The following WDR12 variants were observed in gnomAD, a reference collection of about 807,000 sequenced individuals.
The protein encoded by WDR12 is ribosome biogenesis protein WDR12.
In WDR12, 42 loss-of-function variants were observed where a neutral mutation model predicts 64.3. That is an observed-to-expected ratio of 0.65 (90% CI 0.51 to 0.84). WDR12 has a LOEUF of 0.84. Ranked by LOEUF, WDR12 falls within the 40% of genes least tolerant of loss-of-function variation. WDR12 has a pLI of 0.00. For synonymous variants in WDR12, 158 were observed against 173.3 expected (o/e 0.91, Z 0.70); for missense variants, 469 against 494.6 (o/e 0.95, Z 0.49).
At chr2:202,908,499 G>C (rs549257087) in intron 1 of WDR12, among the ~76,000 whole-genome samples, 2 of 152,288 alleles carry the variant, frequency 1.3e-5, no homozygotes, top group South Asian at 4.1e-4. Context: ...GGAAGGGTAG[G>C]CTGGAAGAAG....
At chr2:202,895,338 T>A (rs571467360) in intron 6 of WDR12, among the ~76,000 whole-genome samples, 18 of 152,276 alleles carry the variant, frequency 1.2e-4, no homozygotes, top group African/African-American at 4.3e-4. Flanking sequence ...AAGAGTAGAT[T>A]GATACTATAG....
rs1299941866 is a variant in WDR12 at position 202,878,769 on chromosome 2, G to A, written c.*2091C>T. 6.6e-6 allele frequency: 1 copy of A among 152,158 alleles called. No homozygotes were observed. Among genetic ancestry groups the A allele is most frequent in the Non-Finnish European group, 1.5e-5 (1 of 68,028 alleles). 9.4% of individuals were successfully genotyped at this position (152,158 alleles called of 1,614,324 possible). ...TTGAGATGTAATACCATCTAATAAT[G>A]AGACCAAACATATTTCCCAAATATT... On this transcript the variant is annotated 3_prime_UTR_variant, in exon 13 of 13. Transcript: ENST00000261015.
At chr2:202,911,392 A>G (rs1688639259) in intron 1 of WDR12, 44 bp downstream of exon 1, 2 of 1,602,980 alleles carry the variant, frequency 1.2e-6, no homozygotes, top group Admixed American at 3.3e-5. Flanking sequence ...GGGTGGTCGG[A>G]AAGGAACCTG....
At position 202,901,103 on chromosome 2, in the gene WDR12, C is replaced by T; in HGVS notation, c.153G>A (p.Val51=). Residue 51 remains valine (V), a synonymous_variant, in exon 3 of 13, where the codon GTG becomes GTA. Transcript: ENST00000261015. ...GGCCCTTAATAAGGAAATCAAACTCCACATGTTTGTGGAACTCTGAGGAAA... is the reference window on the plus strand; with the variant it reads ...GGCCCTTAATAAGGAAATCAAACTCTACATGTTTGTGGAACTCTGAGGAAA... ...LKDKNEFHKH[V]EFDFLIKGQF... is the part of the protein sequence containing the mutation. The T allele has an allele frequency of 1.3e-6, 2 of 1,594,094 alleles. No individual in the cohort carries two copies. Among genetic ancestry groups the T allele is most frequent in the South Asian group, 1.1e-5 (1 of 87,870 alleles).
At chr2:202,899,484 G>T (rs777656087) in intron 4 of WDR12, 47 bp downstream of exon 4, 3 of 1,524,830 alleles carry the variant, frequency 2.0e-6, no homozygotes, top group Admixed American at 3.6e-5. Context: ...GACTGAAGGA[G>T]GTAAAAACAA....
intron 2 of WDR12, among the ~76,000 whole-genome samples, chr2:202,901,473 T>A (rs184677110): frequency 6.6e-6 from 1 of 152,170 alleles, no homozygotes; most frequent in African/African-American, 2.4e-5. Context: ...TCAGAAATTA[T>A]ATCATTTCAT....
rs759590854 is a variant in WDR12, at chr2:202,882,773, G to A, written c.1132C>T (p.Pro378Ser). 13 of 1,613,848 alleles carry A rather than the reference G, an allele frequency of 8.1e-6. No homozygotes were observed. The highest frequency in any genetic ancestry group is 3.3e-5 in the South Asian group (3 of 91,076). ...TCATGAGCAGCCAGATCATAGAGAG[G>A]AGCCTTACAACTAAAAGATGAAAAT... ...KLWDTRSCKAPLYDLAAHEDK... is the reference protein window; with the variant it reads ...KLWDTRSCKASLYDLAAHEDK... The change falls in exon 12 of 13, where the codon CCT (proline) becomes TCT (serine). Residue 378 changes from proline (P) to serine (S), a missense_variant. Coordinates refer to ENST00000261015, the MANE Select transcript of WDR12 (RefSeq NM_018256.4).
At chr2:202,897,906 A>T (rs57769455) in intron 4 of WDR12, among the ~76,000 whole-genome samples, 9,125 of 45,626 alleles carry the variant, frequency 0.2, 349 homozygotes, top group South Asian at 0.25. Context: ...AAAAAAAAAA[A>T]AAATATATAT....
intron 6 of WDR12, among the ~76,000 whole-genome samples, chr2:202,895,604 CCT>C (rs963343389): frequency 6.7e-6 from 1 of 148,262 alleles, no homozygotes; most frequent in African/African-American, 2.5e-5. Context: ...GTCACTGCAA[CCT>C]CTGTCTCCCG....
At chr2:202,896,017 G>A in intron 6 of WDR12, 48 bp downstream of exon 6, 1 of 1,580,740 alleles carries the variant, frequency 6.3e-7, no homozygotes. Flanking sequence ...TTAGCAACAA[G>A]CTCAAATTCA....
At chr2:202,890,111 C>T (rs1688124360) in intron 8 of WDR12, among the ~76,000 whole-genome samples, 1 of 151,906 alleles carries the variant, frequency 6.6e-6, no homozygotes, top group Non-Finnish European at 1.5e-5. Flanking sequence ...ACCTATAGTC[C>T]TAGCTACTCA....
intron 8 of WDR12, among the ~76,000 whole-genome samples, chr2:202,889,406 TTTTAAAA>T (rs1334216142): frequency 6.6e-6 from 1 of 152,064 alleles, no homozygotes; most frequent in Non-Finnish European, 1.5e-5. Flanking sequence ...GAGCCAACAC[TTTTAAAA>T]AATGGGCTAT....
Position 202,884,190 on chromosome 2 carries a change from T to A in WDR12, c.988+8A>T. On this transcript the variant is annotated splice_region_variant and intron_variant, in intron 10 of 12. Coordinates refer to ENST00000261015, the MANE Select transcript of WDR12 (RefSeq NM_018256.4). ...ACATATATTCCCCCAGTGGTTTACA[T>A]GACTCACCTTTAGTTCGGGGATCCC... 6.2e-7 allele frequency: 1 copy of A among 1,610,550 alleles called. No individual in the cohort carries two copies. The highest frequency in any genetic ancestry group is 1.1e-5 in the South Asian group (1 of 90,918).
In WDR12 at chr2:202,883,500, C is replaced by T. The variant is rs1687990794; in HGVS notation, c.1121+109G>A. 2.2e-5 allele frequency: 29 copies of T among 1,338,458 alleles called. No individual in the cohort carries two copies. In the South Asian group the frequency reaches 4.1e-4, roughly 19 times the overall value. 82.9% of individuals were successfully genotyped at this position (1,338,458 alleles called of 1,614,324 possible). On this transcript the variant is annotated intron_variant, in intron 11 of 12. Transcript: ENST00000261015. Reference sequence around the variant, plus strand: ...TATTTGTCACATGAGGTTGCAAAACCATGAGGCTTTTTTTACTCTTCTGGT... The same window carrying T: ...TATTTGTCACATGAGGTTGCAAAACTATGAGGCTTTTTTTACTCTTCTGGT...
chr2:202,887,149 A>AG (rs1688062002), intron 8 of WDR12, among the ~76,000 whole-genome samples: 1 of 152,034 alleles, frequency 6.6e-6, no homozygotes, highest in Non-Finnish European at 1.5e-5. Flanking sequence ...TCAGCCTCCC[A>AG]AGTAGCTGGG....
intron 8 of WDR12, among the ~76,000 whole-genome samples, chr2:202,888,236 C>T (rs961101166): frequency 4.6e-5 from 7 of 152,094 alleles, no homozygotes; most frequent in East Asian, 1.9e-4. Flanking sequence ...TGTGACTGCA[C>T]TTATATGACA....
chr2:202,877,217 T>C lies in WDR12; in HGVS notation c.*3643A>G, dbSNP rs1687874364. On this transcript the variant is annotated 3_prime_UTR_variant, in exon 13 of 13. Coordinates refer to ENST00000261015, the MANE Select transcript of WDR12 (RefSeq NM_018256.4). ...TAATATACTAGGAAGCATTCTGATA[T>C]ATTATTATGCATTGTTGACAACAGT... 6.6e-6 allele frequency: 1 copy of C among 152,062 alleles called. No homozygotes were observed. Among genetic ancestry groups the C allele is most frequent in the Non-Finnish European group, 1.5e-5 (1 of 68,018 alleles). 9.4% of individuals were successfully genotyped at this position (152,062 alleles called of 1,614,324 possible). A position where few individuals can be genotyped will look rare whatever the true frequency, so the allele number is the denominator to read the frequency against.
At chr2:202,906,563 T>C (rs2105912401) in intron 2 of WDR12, among the ~76,000 whole-genome samples, 1 of 152,318 alleles carries the variant, frequency 6.6e-6, no homozygotes, top group Non-Finnish European at 1.5e-5. Flanking sequence ...AACATCTGCA[T>C]AAAAATACAC....
intron 6 of WDR12, chr2:202,894,870 G>C: frequency 2.7e-6 from 1 of 367,876 alleles, no homozygotes; most frequent in Non-Finnish European, 4.9e-6. Context: ...AAGTCAACTT[G>C]AGGGACAAGA....
Sources: allele counts gnomAD v4.1 joint callset (sites outside exome capture counted in the v4.1 genomes callset), GRCh38; gene constraint gnomAD v4.1.1; transcripts MANE v1.5; gene names NCBI Gene and HGNC (gene_info 2026-07-23, HGNC 2026-07-21).